SYT17: variants seen among roughly 807,000 people sequenced by gnomAD.
SYT17 encodes the protein synaptotagmin 17.
In SYT17, 22 loss-of-function variants were observed where a neutral mutation model predicts 46.7. That is an observed-to-expected ratio of 0.47 (90% confidence interval 0.34 to 0.67). The LOEUF (loss-of-function observed/expected upper bound fraction) is 0.67. Ranked by LOEUF, SYT17 falls within the 30% of genes least tolerant of loss-of-function variation. The pLI, the probability that SYT17 is intolerant of heterozygous loss-of-function variation, is 0.01. For synonymous variants in SYT17, 251 were observed against 248.4 expected (o/e 1.01, Z -0.10); for missense variants, 519 against 612.8 (o/e 0.85, Z 1.62).
At chr16:19,205,915 G>A (rs2142763456) in intron 5 of SYT17, among the ~76,000 whole-genome samples, 1 of 152,146 alleles carries the variant, frequency 6.6e-6, no homozygotes, top group South Asian at 2.1e-4. Context: ...ACTTTAATGT[G>A]AACTCCAAAA....
chr16:19,196,907 G>T (rs1188149315), intron 5 of SYT17, among the ~76,000 whole-genome samples: 3 of 152,094 alleles, frequency 2.0e-5, no homozygotes, highest in African/African-American at 7.2e-5. Flanking sequence ...AGAGTTATGT[G>T]CTCATTGGAC....
chr16:19,174,369 G>T (rs1964229865), intron 3 of SYT17, among the ~76,000 whole-genome samples: 1 of 152,178 alleles, frequency 6.6e-6, no homozygotes, highest in Non-Finnish European at 1.5e-5. Flanking sequence ...GGATCAAGAA[G>T]TCATCAAGTG....
At chr16:19,261,815 TAA>T (rs1968994806) in intron 7 of SYT17, among the ~76,000 whole-genome samples, 1 of 152,208 alleles carries the variant, frequency 6.6e-6, no homozygotes, top group Admixed American at 6.5e-5. Flanking sequence ...TTCATATAGA[TAA>T]GTCTGTCTCA....
chr16:19,189,423 C>T (rs1425854529), intron 5 of SYT17, among the ~76,000 whole-genome samples: 3 of 151,648 alleles, frequency 2.0e-5, no homozygotes, highest in Non-Finnish European at 4.4e-5. Context: ...TCAATGCAGC[C>T]TTGAACTCCT....
At position 19,267,020 on chromosome 16, in the gene SYT17, C is replaced by T. The variant is rs1265063716; in HGVS notation, c.1369C>T (p.Leu457=). 6.2e-7 allele frequency: 1 copy of T among 1,612,908 alleles called. No homozygotes were observed. Among genetic ancestry groups the T allele is most frequent in the Non-Finnish European group, 8.5e-7 (1 of 1,179,970 alleles). Residue 457 remains leucine, a synonymous_variant, in exon 8 of 8, where the codon CTG becomes TTG. Coordinates refer to ENST00000355377, the MANE Select transcript of SYT17 (RefSeq NM_016524.4). ...HRTAVEQWHS[L]RSRAECDRVS... is the part of the protein sequence containing the mutation. ...CACAGCCGTGGAGCAGTGGCATAGC[C>T]TGAGGTCCCGAGCTGAGTGTGACCG...
intron 7 of SYT17, chr16:19,249,837 G>T: frequency 8.2e-7 from 1 of 1,218,222 alleles, no homozygotes; most frequent in Non-Finnish European, 1.1e-6. Flanking sequence ...GGAGTCATTG[G>T]GATAACCTGG....
At chr16:19,191,103 C>G (rs918771660) in intron 5 of SYT17, among the ~76,000 whole-genome samples, 2 of 151,848 alleles carry the variant, frequency 1.3e-5, no homozygotes, top group African/African-American at 4.8e-5. Context: ...GAAGGATACA[C>G]AGTTGTATCC....
intron 7 of SYT17, among the ~76,000 whole-genome samples, chr16:19,237,858 CGT>C (rs1017613458): frequency 6.6e-6 from 1 of 152,230 alleles, no homozygotes; most frequent in Non-Finnish European, 1.5e-5. Flanking sequence ...TCTGTTCTCC[CGT>C]GTCACCCCAC....
At position 19,168,787 on chromosome 16, in the gene SYT17, T is replaced by C; in HGVS notation, c.15+126T>C. ...CACAAACTTGCTTCGAGAAAAAGGG[T>C]GCCCGTGCGCGGGCAACCTGTGCAG... On this transcript the variant is annotated intron_variant, in intron 1 of 7. Transcript: ENST00000355377. This position sits in a 1 kb window ranked among gnomAD's most constrained non-coding sequence, Gnocchi z 6.9. 8.0e-7 allele frequency: 1 copy of C among 1,256,686 alleles called. No homozygotes were observed. The highest frequency in any genetic ancestry group is 1.1e-6 in the Non-Finnish European group (1 of 942,436). The allele number at this position is 1,256,686 out of a possible 1,614,324, so 77.8% of individuals were successfully genotyped here. A position where few individuals can be genotyped will look rare whatever the true frequency, so the allele number is the denominator to read the frequency against.
chr16:19,239,381 C>T lies in SYT17; in HGVS notation c.1228+14543C>T, dbSNP rs72640450. ...CACAGCTTCTAGTGTCACCTGTCTG[C>T]CTACATTTTGAGGAAACGTGCTGTA... On this transcript the variant is annotated intron_variant, in intron 7 of 7. Coordinates refer to ENST00000355377, the MANE Select transcript of SYT17 (RefSeq NM_016524.4). Among the ~76,000 whole-genome samples, 1,010 of 152,260 alleles carry T rather than the reference C, an allele frequency of 6.6e-3. 28 individuals carry two copies. The highest frequency in any genetic ancestry group is 0.064 in the East Asian group (333 of 5,188).
chr16:19,173,532 G>A lies in SYT17; in HGVS notation c.136G>A (p.Glu46Lys). The change falls in exon 3 of 8, where the codon GAA becomes AAA. Residue 46 changes from glutamate (E) to lysine (K), a missense_variant. Physicochemically the swap from Glu to Lys is moderately conservative, Grantham distance 56. Transcript: ENST00000355377. ...CAGCTGTTGCCAGTCAAGTGAGGATGAAGTTGAAATTCTGGGACCTTTCCC... is the reference window on the plus strand; with the variant it reads ...CAGCTGTTGCCAGTCAAGTGAGGATAAAGTTGAAATTCTGGGACCTTTCCC... ...ESSCCQSSEDEVEILGPFPAQ... is the reference protein window; with the variant it reads ...ESSCCQSSEDKVEILGPFPAQ... The A allele has an allele frequency of 6.2e-7, 1 of 1,614,044 alleles. No individual in the cohort carries two copies. The highest frequency in any genetic ancestry group is 8.5e-7 in the Non-Finnish European group (1 of 1,180,014).
At chr16:19,250,002 T>C (rs1967925785) in intron 7 of SYT17, 3 of 1,535,766 alleles carry the variant, frequency 2.0e-6, no homozygotes, top group Non-Finnish European at 2.6e-6. Context: ...GTATCAGTCC[T>C]TGGATACCCT....
chr16:19,234,642 C>T (rs1966820550), intron 7 of SYT17, among the ~76,000 whole-genome samples: 1 of 152,072 alleles, frequency 6.6e-6, no homozygotes, highest in Admixed American at 6.6e-5. Context: ...GAATCTTGGC[C>T]CCATGATAAA....
chr16:19,252,846 C>G (rs1226155239), intron 7 of SYT17, among the ~76,000 whole-genome samples: 2 of 151,944 alleles, frequency 1.3e-5, no homozygotes, highest in Non-Finnish European at 2.9e-5. Context: ...TCCCCCATCA[C>G]TATAGTCTAA....
rs1966387884 is a variant in SYT17 at position 19,223,240 on chromosome 16, T to C, written c.1072+75T>C. The C allele has an allele frequency of 1.9e-6, 3 of 1,564,364 alleles. No homozygotes were observed. The East Asian group carries it at 6.8e-5, about 35-fold the overall frequency. Reference sequence around the variant, plus strand: ...TTTGTGTGGAGAACCCAGTTTTCTTTTTCCGTATCCTGGATGAGCATTACT... The same window carrying C: ...TTTGTGTGGAGAACCCAGTTTTCTTCTTCCGTATCCTGGATGAGCATTACT... On this transcript the variant is annotated intron_variant, in intron 6 of 7. Transcript: ENST00000355377.
intron 7 of SYT17, among the ~76,000 whole-genome samples, chr16:19,264,832 G>A (rs999682562): frequency 6.6e-6 from 1 of 151,968 alleles, no homozygotes; most frequent in African/African-American, 2.4e-5. Flanking sequence ...GGGCTCAAGC[G>A]ATCCACCTGC....
chr16:19,226,261 C>T (rs1269627638), intron 7 of SYT17, among the ~76,000 whole-genome samples: 25 of 152,232 alleles, frequency 1.6e-4, no homozygotes, highest in South Asian at 6.2e-4. Flanking sequence ...TATATTTCCT[C>T]AAACACCCAG....
rs377540756 is a variant in SYT17, at chr16:19,173,551, C to G, written c.155C>G (p.Pro52Arg). 2 of 1,614,054 alleles carry G rather than the reference C, an allele frequency of 1.2e-6. No homozygotes were observed. Among genetic ancestry groups the G allele is most frequent in the Non-Finnish European group, 1.7e-6 (2 of 1,180,006 alleles). Residue 52 changes from proline to arginine, a missense_variant, in exon 3 of 8, where the codon CCT becomes CGT. Physicochemically the swap from Pro to Arg is moderately radical, Grantham distance 103. Transcript: ENST00000355377. ...GAGGATGAAGTTGAAATTCTGGGAC[C>G]TTTCCCTGCTCAGACCCCTCCCTGG... is the stretch of plus-strand genomic sequence containing the variant. ...SSEDEVEILG[P>R]FPAQTPPWLM...
At chr16:19,220,454 A>G (rs1966274043) in intron 5 of SYT17, among the ~76,000 whole-genome samples, 1 of 151,982 alleles carries the variant, frequency 6.6e-6, no homozygotes, top group Admixed American at 6.6e-5. Flanking sequence ...GCACACCACC[A>G]TGTCTGACTA....
Sources: allele counts gnomAD v4.1 joint callset (sites outside exome capture counted in the v4.1 genomes callset), GRCh38; gene constraint gnomAD v4.1.1; non-coding constraint Gnocchi (gnomAD v3.1); transcripts MANE v1.5; gene names NCBI Gene and HGNC (gene_info 2026-07-23, HGNC 2026-07-21).